The following RNF152 variants were observed in gnomAD, a reference collection of about 807,000 sequenced individuals.
RNF152 encodes the protein ring finger protein 152.
In RNF152, 11 loss-of-function variants were observed where a neutral mutation model predicts 12.7. The observed-to-expected ratio is 0.86, with a 90% confidence interval of 0.54 to 1.43. RNF152 has a LOEUF of 1.43. Among genes scored for constraint, RNF152 ranks in the 40% most tolerant of loss-of-function variants. The probability of loss-of-function intolerance (pLI) is 0.00; values close to 1 mark genes in which losing one functional copy is unlikely to be tolerated. For missense variants in RNF152, 255 were observed against 274.8 expected (o/e 0.93, Z 0.51); for synonymous variants, 113 against 120.3 (o/e 0.94, Z 0.40).
chr18:61,873,598 T>C (rs1479329211), intron 1 of RNF152, among the ~76,000 whole-genome samples: 2 of 152,140 alleles, frequency 1.3e-5, no homozygotes, highest in African/African-American at 4.8e-5. Flanking sequence ...GCTGCCAAAG[T>C]GCTGGGATTA....
At chr18:61,880,500 C>T (rs1306014425) in intron 1 of RNF152, among the ~76,000 whole-genome samples, 8 of 152,154 alleles carry the variant, frequency 5.3e-5, no homozygotes, top group Non-Finnish European at 1.2e-4. Flanking sequence ...CAGGCTTTTC[C>T]AAGTTCCACT....
At chr18:61,890,491 T>C (rs1912905391) in intron 1 of RNF152, 2 of 152,208 alleles carry the variant, frequency 1.3e-5, no homozygotes, top group South Asian at 4.1e-4. Flanking sequence ...GTGACTACGA[T>C]GAGCAGGGTC....
intron 1 of RNF152, among the ~76,000 whole-genome samples, chr18:61,846,966 C>T (rs561196658): frequency 9.9e-5 from 15 of 152,226 alleles, no homozygotes; most frequent in Non-Finnish European, 1.8e-4. Context: ...TCTGCTTCTT[C>T]ATGTGTAACT....
In RNF152 at chr18:61,878,088, C is replaced by T. The variant is rs78796124; in HGVS notation, c.-136+14707G>A. Among the ~76,000 whole-genome samples the T allele has an allele frequency of 8.0e-3, 1,215 of 152,280 alleles. 20 individuals are homozygous for T. Among genetic ancestry groups the T allele is most frequent in the African/African-American group, 0.028 (1,169 of 41,546 alleles). On this transcript the variant is annotated intron_variant, in intron 1 of 1. Coordinates refer to ENST00000312828, the MANE Select transcript of RNF152 (RefSeq NM_173557.3). The stretch of plus-strand genomic sequence containing the variant: ...GAGAACGAGGGTAGAAAAGGCATCC[C>T]ACTCTGAACTGCATCTCATTTCCAT...
chr18:61,864,312 G>C (rs1465349947), intron 1 of RNF152, among the ~76,000 whole-genome samples: 1 of 152,190 alleles, frequency 6.6e-6, no homozygotes, highest in Non-Finnish European at 1.5e-5. Flanking sequence ...TTAGTAACTT[G>C]TGAGAACGGC....
intron 1 of RNF152, among the ~76,000 whole-genome samples, chr18:61,851,601 C>A (rs1173140736): frequency 6.6e-6 from 1 of 152,160 alleles, no homozygotes; most frequent in African/African-American, 2.4e-5. Context: ...TGAGTATCCC[C>A]CACACAGTAA....
chr18:61,823,995 C>T (rs1471443723), intron 1 of RNF152, among the ~76,000 whole-genome samples: 1 of 152,178 alleles, frequency 6.6e-6, no homozygotes, highest in Non-Finnish European at 1.5e-5. Context: ...ATTTACCCAG[C>T]CCCAGGTGCA....
At chr18:61,824,414 T>G (rs1909564948) in intron 1 of RNF152, among the ~76,000 whole-genome samples, 1 of 152,262 alleles carries the variant, frequency 6.6e-6, no homozygotes, top group East Asian at 1.9e-4. Context: ...GCCAGGCCAC[T>G]TATTCTATGC....
At chr18:61,883,259 G>A (rs1473959938) in intron 1 of RNF152, among the ~76,000 whole-genome samples, 1 of 152,192 alleles carries the variant, frequency 6.6e-6, no homozygotes, top group African/African-American at 2.4e-5. Context: ...TCTTTACTGA[G>A]TGTCTACTGT....
chr18:61,817,925 T>C (rs7243378), intron 1 of RNF152, among the ~76,000 whole-genome samples: 2,629 of 152,196 alleles, frequency 0.017, 68 homozygotes, highest in African/African-American at 0.06. Flanking sequence ...ATGATGACTC[T>C]AGAAAGAATT....
intron 1 of RNF152, among the ~76,000 whole-genome samples, chr18:61,855,938 C>T (rs999932488): frequency 4.6e-5 from 7 of 152,200 alleles, no homozygotes; most frequent in Admixed American, 2.0e-4. Context: ...TAAGTATTCA[C>T]TACTCCACAT....
intron 1 of RNF152, among the ~76,000 whole-genome samples, chr18:61,838,681 C>T (rs1021970293): frequency 6.6e-6 from 1 of 152,152 alleles, no homozygotes; most frequent in African/African-American, 2.4e-5. Context: ...GGAAGAGCTG[C>T]TTTTATCAGG....
At chr18:61,872,830 A>T (rs775103128) in intron 1 of RNF152, among the ~76,000 whole-genome samples, 1 of 152,162 alleles carries the variant, frequency 6.6e-6, no homozygotes, top group Non-Finnish European at 1.5e-5. Flanking sequence ...ACTAAAGTAC[A>T]CCATGACTGA....
intron 1 of RNF152, among the ~76,000 whole-genome samples, chr18:61,835,432 A>G (rs888067072): frequency 4.6e-5 from 7 of 152,176 alleles, no homozygotes; most frequent in African/African-American, 1.7e-4. Flanking sequence ...GTGAGAATAT[A>G]TATTTGTTTA....
chr18:61,858,023 C>T (rs1046003447), intron 1 of RNF152, among the ~76,000 whole-genome samples: 6 of 152,216 alleles, frequency 3.9e-5, no homozygotes, highest in African/African-American at 1.2e-4. Context: ...ATAAATGAAG[C>T]AGAGCCACCC....
intron 1 of RNF152, among the ~76,000 whole-genome samples, chr18:61,887,537 T>C (rs746320087): frequency 6.6e-6 from 1 of 151,972 alleles, no homozygotes; most frequent in African/African-American, 2.4e-5. Context: ...GCCAACATGA[T>C]GAAACCCTGT....
chr18:61,841,645 T>C (rs755621058), intron 1 of RNF152, among the ~76,000 whole-genome samples: 4 of 152,118 alleles, frequency 2.6e-5, no homozygotes, highest in Non-Finnish European at 4.4e-5. Context: ...TCTGAGTGGG[T>C]AGAGATGCAG....
chr18:61,813,659 T>C lies in RNF152; in HGVS notation c.*2193A>G, dbSNP rs1341980462. 4 of 152,248 alleles carry C rather than the reference T, an allele frequency of 2.6e-5. No individual in the cohort carries two copies. Among genetic ancestry groups the C allele is most frequent in the Admixed American group, 2.6e-4 (4 of 15,286 alleles). The allele number at this position is 152,248 out of a possible 1,614,324, so 9.4% of individuals were successfully genotyped here. ...CTCTATCACGTACTATACTACAGGG[T>C]CAGTCATTTCACACTGTACAGAAAC... On this transcript the variant is annotated 3_prime_UTR_variant, in exon 2 of 2. Coordinates refer to ENST00000312828, the MANE Select transcript of RNF152 (RefSeq NM_173557.3).
chr18:61,859,537 G>T (rs1488535075), intron 1 of RNF152, among the ~76,000 whole-genome samples: 3 of 152,198 alleles, frequency 2.0e-5, no homozygotes, highest in African/African-American at 7.2e-5. Flanking sequence ...CACCTGTGTG[G>T]GGCAGGGGAA....
Sources: gnomAD v4.1 joint callset for allele counts (sites outside exome capture counted in the v4.1 genomes callset) on GRCh38, gnomAD v4.1.1 for gene constraint, MANE v1.5 for transcripts, NCBI Gene and HGNC (gene_info 2026-07-23, HGNC 2026-07-21) for gene names.